SMYD3: variants seen among roughly 807,000 people sequenced by gnomAD.
SMYD3 encodes SET and MYND domain containing 3, also known as histone-lysine N-methyltransferase SMYD3.
SMYD3 carries 36 observed loss-of-function variants against 57.7 expected under a neutral mutation model. That is an observed-to-expected ratio of 0.62 (90% CI 0.48 to 0.82). SMYD3 has a LOEUF of 0.82. Ranked by LOEUF, SMYD3 falls within the 40% of genes least tolerant of loss-of-function variation. The pLI is 0.00. For synonymous variants in SMYD3, 211 were observed against 195.0 expected (o/e 1.08, Z -0.68); for missense variants, 515 against 538.8 (o/e 0.96, Z 0.44).
intron 8 of SMYD3, among the ~76,000 whole-genome samples, chr1:245,903,743 T>C (rs1040594037): frequency 5.3e-5 from 8 of 152,128 alleles, no homozygotes; most frequent in Non-Finnish European, 8.8e-5. Context: ...GGGGCTTGCA[T>C]CCCCTGAAAT....
intron 5 of SMYD3, among the ~76,000 whole-genome samples, chr1:246,045,096 AC>A (rs1163128727): frequency 2.0e-5 from 3 of 152,340 alleles, no homozygotes; most frequent in African/African-American, 7.2e-5. Context: ...CCATCAAGCT[AC>A]CAATGACTTT....
At chr1:245,980,773 CA>C (rs1163888274) in intron 5 of SMYD3, among the ~76,000 whole-genome samples, 1 of 152,232 alleles carries the variant, frequency 6.6e-6, no homozygotes, top group Non-Finnish European at 1.5e-5. Context: ...GTCTGGGAAA[CA>C]AATCCCTACT....
chr1:246,335,526 T>C, intron 2 of SMYD3, 52 bp from the exon 3 acceptor site: 2 of 1,420,224 alleles, frequency 1.4e-6, no homozygotes, highest in Non-Finnish European at 2.0e-6. Context: ...TTAACTTTCA[T>C]TTATACTGGT....
At position 246,507,254 on chromosome 1, in the gene SMYD3, G is replaced by A. The variant is rs951509489; in HGVS notation, c.-37C>T. On this transcript the variant is annotated 5_prime_UTR_variant, in exon 1 of 12. The change creates a new upstream start codon in the 5' untranslated region. Transcript: ENST00000490107. Reference sequence around the variant, plus strand: ...TCCGGCACCTCAGACGGCTACCCGCGTCCAGCAGCGGGCGTCTCACGGGCT... The same window carrying A: ...TCCGGCACCTCAGACGGCTACCCGCATCCAGCAGCGGGCGTCTCACGGGCT... The A allele has an allele frequency of 2.0e-5, 29 of 1,460,876 alleles. No individual in the cohort carries two copies. The highest frequency in any genetic ancestry group is 4.4e-5 in the African/African-American group (3 of 67,862). The allele number at this position is 1,460,876 out of a possible 1,614,324, so 90.5% of individuals were successfully genotyped here.
intron 5 of SMYD3, among the ~76,000 whole-genome samples, chr1:246,119,413 C>CTT (rs111657622): frequency 3.1e-4 from 40 of 130,204 alleles, no homozygotes; most frequent in African/African-American, 9.6e-4. Context: ...TTTGTTCTTT[C>CTT]TTTTTTTTTT....
intron 10 of SMYD3, among the ~76,000 whole-genome samples, chr1:245,842,574 G>C (rs911093174): frequency 6.6e-6 from 1 of 152,154 alleles, no homozygotes; most frequent in Non-Finnish European, 1.5e-5. Context: ...ATAATAATTA[G>C]CAACTGCTAA....
At chr1:246,097,690 A>C (rs566017525) in intron 5 of SMYD3, among the ~76,000 whole-genome samples, 2 of 152,084 alleles carry the variant, frequency 1.3e-5, no homozygotes, top group African/African-American at 4.8e-5. Flanking sequence ...GAAGTCACAC[A>C]ATACCTTCTG....
intron 5 of SMYD3, among the ~76,000 whole-genome samples, chr1:245,933,586 A>G (rs953982351): frequency 6.6e-6 from 1 of 152,212 alleles, no homozygotes; most frequent in African/African-American, 2.4e-5. Flanking sequence ...TCTGTGAACC[A>G]AATTCTTATG....
intron 8 of SMYD3, among the ~76,000 whole-genome samples, chr1:245,890,142 T>C (rs1044033504): frequency 5.3e-5 from 8 of 152,074 alleles, no homozygotes; most frequent in Non-Finnish European, 1.0e-4. Context: ...AAGAAAACAC[T>C]GGGGAAACTC....
intron 5 of SMYD3, among the ~76,000 whole-genome samples, chr1:246,190,271 T>TA (rs1219072816): frequency 6.6e-6 from 1 of 152,064 alleles, no homozygotes; most frequent in Non-Finnish European, 1.5e-5. Flanking sequence ...AGCGTATACT[T>TA]AAGAGTTTTA....
chr1:245,793,645 G>GC (rs933059392), intron 10 of SMYD3, among the ~76,000 whole-genome samples: 11 of 136,528 alleles, frequency 8.1e-5, no homozygotes, highest in Admixed American at 1.4e-4. Context: ...TCTGCCCAGT[G>GC]CCCCCCCAAC....
At chr1:246,377,264 G>A (rs1353301269) in intron 1 of SMYD3, among the ~76,000 whole-genome samples, 1 of 147,770 alleles carries the variant, frequency 6.8e-6, no homozygotes, top group Non-Finnish European at 1.5e-5. Flanking sequence ...TTAATAGAAA[G>A]CAGCTAATTT....
chr1:246,003,432 T>C (rs890758339), intron 5 of SMYD3, among the ~76,000 whole-genome samples: 1 of 152,212 alleles, frequency 6.6e-6, no homozygotes, highest in Admixed American at 6.5e-5. Context: ...ACAGGATATA[T>C]TATTGAGGAA....
chr1:245,969,056 G>A (rs2058229258), intron 5 of SMYD3, among the ~76,000 whole-genome samples: 1 of 152,164 alleles, frequency 6.6e-6, no homozygotes, highest in African/African-American at 2.4e-5. Flanking sequence ...TTAATAATGT[G>A]TCACTCTGGT....
At chr1:246,391,441 A>AGGG (rs2148768804) in intron 1 of SMYD3, among the ~76,000 whole-genome samples, 1 of 129,836 alleles carries the variant, frequency 7.7e-6, no homozygotes, top group South Asian at 3.0e-4. Flanking sequence ...AGAGAGAGAG[A>AGGG]AGGAGAGAGG....
intron 10 of SMYD3, among the ~76,000 whole-genome samples, chr1:245,766,981 G>T (rs576288084): frequency 6.6e-6 from 1 of 152,180 alleles, no homozygotes; most frequent in African/African-American, 2.4e-5. Flanking sequence ...TGCGGGCCTG[G>T]TTGGTTTCTG....
chr1:246,289,278 A>G (rs1324647649), intron 5 of SMYD3, among the ~76,000 whole-genome samples: 1 of 152,226 alleles, frequency 6.6e-6, no homozygotes, highest in African/African-American at 2.4e-5. Flanking sequence ...ATGCCAATGC[A>G]TTTGACTTTG....
At chr1:246,343,527 A>T (rs538125231) in intron 2 of SMYD3, among the ~76,000 whole-genome samples, 1 of 152,336 alleles carries the variant, frequency 6.6e-6, no homozygotes, top group Non-Finnish European at 1.5e-5. Flanking sequence ...AGGGAAGGTC[A>T]GCCTGCCAAG....
intron 5 of SMYD3, among the ~76,000 whole-genome samples, chr1:246,294,603 TC>T (rs1395242079): frequency 7.6e-6 from 1 of 132,198 alleles, no homozygotes; most frequent in Non-Finnish European, 1.7e-5. Flanking sequence ...CAATTAAGCT[TC>T]CTTTTTTTTT....
Sources: allele counts gnomAD v4.1 joint callset (sites outside exome capture counted in the v4.1 genomes callset), GRCh38; gene constraint gnomAD v4.1.1; transcripts MANE v1.5; gene names NCBI Gene and HGNC (gene_info 2026-07-23, HGNC 2026-07-21).